Variants in GNB1 observed in about 807,000 individuals in gnomAD.
GNB1 encodes G protein subunit beta 1.
A neutral mutation model predicts 42.9 loss-of-function variants in GNB1; 2 were observed. The ratio of observed to expected loss-of-function variants is 0.05; its 90% CI spans 0.02 to 0.15. The LOEUF (loss-of-function observed/expected upper bound fraction) is 0.15. Among genes scored for constraint, GNB1 ranks in the 10% least tolerant of loss-of-function variants. The probability of loss-of-function intolerance (pLI) is 1.00; values close to 1 mark genes in which losing one functional copy is unlikely to be tolerated. For synonymous variants in GNB1, 183 were observed against 174.7 expected, an observed-to-expected ratio of 1.05 and a Z score of -0.38; for missense variants, 193 against 462.2, an observed-to-expected ratio of 0.42 and a Z score of 5.34.
At chr1:1,840,862 C>G (rs1056955907) in intron 1 of GNB1, among the ~76,000 whole-genome samples, 5 of 152,122 alleles carry the variant, frequency 3.3e-5, no homozygotes, top group African/African-American at 1.2e-4. Context: ...ATGTCCAATT[C>G]TAGATTTCTT....
At chr1:1,807,463 G>GGAAAAAAAAA (rs1369704288) in intron 5 of GNB1, among the ~76,000 whole-genome samples, 1 of 25,582 alleles carries the variant, frequency 3.9e-5, no homozygotes, top group African/African-American at 2.3e-4. Context: ...GATCCTGACT[G>GGAAAAAAAAA]AAAAAAAAAA....
chr1:1,842,813 G>A (rs981093725), intron 1 of GNB1, among the ~76,000 whole-genome samples: 1 of 152,136 alleles, frequency 6.6e-6, no homozygotes, highest in Non-Finnish European at 1.5e-5. Context: ...AAAAAAGTTG[G>A]GTGTGAAAAG....
At chr1:1,809,394 T>C (rs1043336467) in intron 5 of GNB1, among the ~76,000 whole-genome samples, 1 of 152,156 alleles carries the variant, frequency 6.6e-6, no homozygotes, top group African/African-American at 2.4e-5. Flanking sequence ...CTCGAACTCC[T>C]GAGCTCAATC....
rs78968783 is a variant in GNB1, at chr1:1,831,367, T to C, written c.-46-5868A>G. Among the ~76,000 whole-genome samples, 1,279 of 152,270 alleles carry C rather than the reference T, an allele frequency of 8.4e-3. 22 individuals are homozygous for C. The highest frequency in any genetic ancestry group is 0.029 in the African/African-American group (1,226 of 41,564). On this transcript the variant is annotated intron_variant, in intron 2 of 11. Coordinates refer to ENST00000378609, the MANE Select transcript of GNB1 (RefSeq NM_002074.5). ...AGTTACTGGAATAACTGTAACATAT[T>C]GCTAAGAACAATAAGGAAGACAGTA...
chr1:1,836,888 G>C (rs1647158628), intron 2 of GNB1, among the ~76,000 whole-genome samples: 1 of 148,810 alleles, frequency 6.7e-6, no homozygotes, highest in Non-Finnish European at 1.5e-5. Context: ...AAGAGACAGG[G>C]GTCTCACTTT....
chr1:1,810,289 T>G (rs1646757513), intron 5 of GNB1, among the ~76,000 whole-genome samples: 1 of 151,666 alleles, frequency 6.6e-6, no homozygotes, highest in African/African-American at 2.4e-5. Context: ...ATGGTCTCGA[T>G]CTCCTGACCT....
chr1:1,853,911 T>C (rs1031194545), intron 1 of GNB1, among the ~76,000 whole-genome samples: 1 of 152,106 alleles, frequency 6.6e-6, no homozygotes. Context: ...GAAAATAGGA[T>C]AGAAGTGTCA....
chr1:1,810,911 AC>A (rs764360454), intron 5 of GNB1, among the ~76,000 whole-genome samples: 6 of 151,384 alleles, frequency 4.0e-5, no homozygotes, highest in South Asian at 4.2e-4. Flanking sequence ...CAGGTGATCC[AC>A]CCGCCTTAGC....
At chr1:1,796,830 G>C (rs1383009301) in intron 7 of GNB1, among the ~76,000 whole-genome samples, 1 of 152,196 alleles carries the variant, frequency 6.6e-6, no homozygotes, top group Non-Finnish European at 1.5e-5. Flanking sequence ...GGGCTGTCCT[G>C]TGTCTCATAG....
chr1:1,863,555 A>C (rs964943068), intron 1 of GNB1, among the ~76,000 whole-genome samples: 2 of 152,158 alleles, frequency 1.3e-5, no homozygotes, highest in Non-Finnish European at 2.9e-5. Flanking sequence ...TCTATGGCTA[A>C]ACCTAGTGTT....
In GNB1 at chr1:1,843,380, C is replaced by T. The variant is rs547565461; in HGVS notation, c.-95-4142G>A. On this transcript the variant is annotated intron_variant, in intron 1 of 11. Transcript: ENST00000378609. ...GACCACAGGTGTGTGCCACCATGCCCAGCTAATTAAAAAATATATATATAT... is the reference window on the plus strand; with the variant it reads ...GACCACAGGTGTGTGCCACCATGCCTAGCTAATTAAAAAATATATATATAT... Among the ~76,000 whole-genome samples, 66 of 152,032 alleles carry T rather than the reference C, an allele frequency of 4.3e-4. 1 individual carries two copies. Among genetic ancestry groups the T allele is most frequent in the Non-Finnish European group, 8.5e-4 (58 of 68,024 alleles).
intron 1 of GNB1, among the ~76,000 whole-genome samples, chr1:1,849,003 G>A (rs1463737020): frequency 6.6e-6 from 1 of 152,236 alleles, no homozygotes; most frequent in Non-Finnish European, 1.5e-5. Context: ...ACTCAAGATA[G>A]AGGCTGGTCA....
At chr1:1,865,567 CAGA>C (rs1648889274) in intron 1 of GNB1, among the ~76,000 whole-genome samples, 1 of 152,144 alleles carries the variant, frequency 6.6e-6, no homozygotes, top group African/African-American at 2.4e-5. Flanking sequence ...ACCTGGGCAA[CAGA>C]GTGAGACTCC....
chr1:1,825,630 C>G (rs538572901), intron 2 of GNB1, 131 bp from the exon 3 acceptor site: 4 of 582,296 alleles, frequency 6.9e-6, no homozygotes, highest in African/African-American at 5.6e-5. Flanking sequence ...TTTGGGAGGC[C>G]GAGGCGGGCA....
At position 1,804,519 on chromosome 1, in the gene GNB1, G is replaced by A. The variant is rs1214363276; in HGVS notation, c.330C>T (p.Asn110=). The A allele has an allele frequency of 4.3e-6, 7 of 1,613,266 alleles. No homozygotes were observed. Among genetic ancestry groups the A allele is most frequent in the African/African-American group, 1.3e-5 (1 of 74,878 alleles). ...TATCCAGGCCACCGCAGGCCACATAGTTCCCAGAAGGGGCATATGCACAGG... is the reference window on the plus strand; with the variant it reads ...TATCCAGGCCACCGCAGGCCACATAATTCCCAGAAGGGGCATATGCACAGG... ...VMTCAYAPSG[N]YVACGGLDNI... The change falls in exon 7 of 12, where the codon AAC becomes AAT. Residue 110 remains asparagine, a synonymous_variant. Transcript: ENST00000378609.
chr1:1,888,409 T>C (rs1650274464), intron 1 of GNB1, among the ~76,000 whole-genome samples: 1 of 150,814 alleles, frequency 6.6e-6, no homozygotes, highest in South Asian at 2.1e-4. Context: ...ACTTTCAGTG[T>C]TGATGAAACC....
chr1:1,846,296 G>A (rs562762816), intron 1 of GNB1, among the ~76,000 whole-genome samples: 3 of 152,274 alleles, frequency 2.0e-5, no homozygotes, highest in South Asian at 2.1e-4. Flanking sequence ...GCCGGGTGCA[G>A]TGGCTCATGT....
chr1:1,786,067 A>T lies in GNB1; in HGVS notation c.*996T>A, dbSNP rs974509001. The T allele has an allele frequency of 7.5e-6, 3 of 398,504 alleles. No individual in the cohort carries two copies. The highest frequency in any genetic ancestry group is 8.8e-6 in the Non-Finnish European group (2 of 226,064). The allele number at this position is 398,504 out of a possible 1,614,324, so 24.7% of individuals were successfully genotyped here. On this transcript the variant is annotated 3_prime_UTR_variant, in exon 12 of 12. Transcript: ENST00000378609. ...AATATGGCAAACAATCAAAATTTTT[A>T]AAATTTAACTTAGAAAGTCTGAGAT...
chr1:1,787,089 G>C lies in GNB1; in HGVS notation c.*10-36C>G. 2.6e-6 allele frequency: 1 copy of C among 391,634 alleles called. No homozygotes were observed. 24.3% of individuals were successfully genotyped at this position (391,634 alleles called of 1,614,324 possible). On this transcript the variant is annotated intron_variant, in intron 11 of 11. Transcript: ENST00000378609. This position sits in a 1 kb window ranked among gnomAD's most constrained non-coding sequence, Gnocchi z 4.4. ...CAGAGTTTAAAGAAATGTGAAAAGAGGCAGAGAATCTAAGTGCAGACGCAC... is the reference window on the plus strand; with the variant it reads ...CAGAGTTTAAAGAAATGTGAAAAGACGCAGAGAATCTAAGTGCAGACGCAC...
Sources: gnomAD v4.1 joint callset for allele counts (sites outside exome capture counted in the v4.1 genomes callset) on GRCh38, gnomAD v4.1.1 for gene constraint, Gnocchi (gnomAD v3.1) non-coding constraint, MANE v1.5 for transcripts, NCBI Gene and HGNC (gene_info 2026-07-23, HGNC 2026-07-21) for gene names.